Variants in MFSD12 observed in about 807,000 individuals in gnomAD.
MFSD12 encodes the protein major facilitator superfamily domain containing 12.
A neutral mutation model predicts 51.2 loss-of-function variants in MFSD12; 67 were observed. The ratio of observed to expected loss-of-function variants is 1.31; its 90% CI spans 1.08 to 1.60. MFSD12 has a LOEUF of 1.60. MFSD12 is among the 40% of genes most tolerant of loss of function. The probability of loss-of-function intolerance (pLI) is 0.00; values close to 1 mark genes in which losing one functional copy is unlikely to be tolerated. For missense variants in MFSD12, 921 were observed against 673.0 expected (o/e 1.37, Z -4.08); for synonymous variants, 441 against 316.7 (o/e 1.39, Z -4.17).
At chr19:3,538,433 T>G (rs924758260) in exon 5 of MFSD12, 1 of 316,600 alleles carries the variant, frequency 3.2e-6, no homozygotes, top group Admixed American at 4.4e-5. Flanking sequence ...TTATGTCACC[T>G]AGTCACCCCC....
rs771598438 is a variant in MFSD12 at position 3,544,844 on chromosome 19, C to G, written c.1385G>C (p.Cys462Ser). 34 of 1,612,504 alleles carry G rather than the reference C, an allele frequency of 2.1e-5. No homozygotes were observed. In the Middle Eastern group the frequency reaches 5.0e-4, roughly 24 times the overall value. The change falls in exon 9 of 10, where the codon TGT becomes TCT. Residue 462 changes from cysteine (C) to serine (S), a missense_variant. Coordinates refer to ENST00000355415, the MANE Select transcript of MFSD12 (RefSeq NM_174983.5). Reference protein sequence around the residue: ...GVGVAAALCLCSLLLWPTRLR... With the variant: ...GVGVAAALCLSSLLLWPTRLR... ...GCGGGTCGGCCACAGCAGGAGGCTACAGAGACACAGGGCAGCGGCCACGCC... is the reference window on the plus strand; with the variant it reads ...GCGGGTCGGCCACAGCAGGAGGCTAGAGAGACACAGGGCAGCGGCCACGCC...
chr19:3,546,025 A>C (rs1361118166), intron 8 of MFSD12, 49 bp downstream of exon 8: 1 of 1,591,844 alleles, frequency 6.3e-7, no homozygotes, highest in Admixed American at 1.7e-5. Flanking sequence ...CAGGCGCTTA[A>C]TCCCCTCTTA....
At chr19:3,542,860 A>G (rs766848595), downstream of MFSD12, 1 of 1,384,792 alleles carries the variant, frequency 7.2e-7, no homozygotes, top group East Asian at 4.3e-5. Flanking sequence ...CCTCCAGGCC[A>G]GGGGGGCTTC....
intron 1 of MFSD12, among the ~76,000 whole-genome samples, chr19:3,552,753 C>T (rs1010388020): frequency 6.6e-6 from 1 of 152,074 alleles, no homozygotes; most frequent in Admixed American, 6.6e-5. Context: ...CCAAAGTGCT[C>T]GGATTACAGA....
In MFSD12 at chr19:3,544,810, G is replaced by T. The variant is rs780722799; in HGVS notation, c.1419C>A (p.Arg473=). 6.2e-7 allele frequency: 1 copy of T among 1,612,260 alleles called. No homozygotes were observed. Among genetic ancestry groups the T allele is most frequent in the South Asian group, 1.1e-5 (1 of 90,942 alleles). Residue 473 remains arginine, a splice_region_variant and synonymous_variant, in exon 9 of 10, where the codon CGC becomes CGA. Coordinates refer to ENST00000355415, the MANE Select transcript of MFSD12 (RefSeq NM_174983.5). Reference sequence around the variant, plus strand: ...AGGGAGGGGTGGGCCAGGACTCACAGCGTCGCAGGCGGGTCGGCCACAGCA... The same window carrying T: ...AGGGAGGGGTGGGCCAGGACTCACATCGTCGCAGGCGGGTCGGCCACAGCA... ...SLLLWPTRLR[R]WDRDARP is the part of the protein sequence containing the mutation.
intron 2 of MFSD12, among the ~76,000 whole-genome samples, chr19:3,549,024 G>C (rs2031295913): frequency 6.6e-6 from 1 of 152,154 alleles, no homozygotes; most frequent in African/African-American, 2.4e-5. Flanking sequence ...CACCAGCTGG[G>C]GCCGAGTCCT....
intron 2 of MFSD12, among the ~76,000 whole-genome samples, chr19:3,550,602 G>C (rs1006699730): frequency 6.6e-6 from 1 of 152,096 alleles, no homozygotes; most frequent in Non-Finnish European, 1.5e-5. Flanking sequence ...GTGTTAGCGA[G>C]GATGGTCTCG....
chr19:3,555,578 G>C (rs1235931427), intron 1 of MFSD12, among the ~76,000 whole-genome samples: 1 of 152,192 alleles, frequency 6.6e-6, no homozygotes, highest in East Asian at 1.9e-4. Context: ...CCTGGACATA[G>C]GAAACATGAA....
At chr19:3,542,811 T>C, downstream of MFSD12, 1 of 1,372,408 alleles carries the variant, frequency 7.3e-7, no homozygotes, top group Non-Finnish European at 9.8e-7. Flanking sequence ...CCCTGGGCCA[T>C]GGCTTAGTGC....
At chr19:3,553,773 A>T (rs1304777199) in intron 1 of MFSD12, among the ~76,000 whole-genome samples, 3 of 148,352 alleles carry the variant, frequency 2.0e-5, no homozygotes, top group Non-Finnish European at 3.0e-5. Flanking sequence ...GAAATGAAAC[A>T]GAGAAAGAAA....
At chr19:3,552,891 G>A (rs1468045760) in intron 1 of MFSD12, among the ~76,000 whole-genome samples, 2 of 152,154 alleles carry the variant, frequency 1.3e-5, no homozygotes, top group Non-Finnish European at 2.9e-5. Flanking sequence ...GGCCCCTAGA[G>A]TGAGTCGGAG....
intron 8 of MFSD12, 54 bp from the exon 9 acceptor site, chr19:3,544,993 C>A: frequency 1.3e-6 from 2 of 1,540,740 alleles, no homozygotes; most frequent in Non-Finnish European, 8.7e-7. Context: ...CCCCCCGCCA[C>A]CCAAGCTGAA....
rs1297603780 is a variant in MFSD12 at position 3,557,095 on chromosome 19, G to A, written c.298+11C>T. The A allele has an allele frequency of 4.1e-6, 6 of 1,452,402 alleles. No homozygotes were observed. The East Asian group carries it at 1.4e-4, about 34-fold the overall frequency. 90.0% of individuals were successfully genotyped at this position (1,452,402 alleles called of 1,614,324 possible). A position where few individuals can be genotyped will look rare whatever the true frequency, so the allele number is the denominator to read the frequency against. ...GGGCTGCCCGACAGGTGGCGGGGCC[G>A]GGACGCTTACCGACCAGGTGCCAGG... is the stretch of plus-strand genomic sequence containing the variant. On this transcript the variant is annotated intron_variant, in intron 1 of 9. Coordinates refer to ENST00000355415, the MANE Select transcript of MFSD12 (RefSeq NM_174983.5).
chr19:3,547,942 TC>T lies in MFSD12; in HGVS notation c.742del (p.Glu248ArgfsTer38), dbSNP rs2031208168. ...CAGGGGGGTGTGCTCGCCTGGCTCC[TC>T]CGCATGCGGCCGGCGCCTCTCCCGG... ...GTRERRRPHA[E>X]EPGEHTPLLA... On this transcript the variant is annotated frameshift_variant, in exon 4 of 10. Transcript: ENST00000355415. LOFTEE classifies it high-confidence loss of function. 5 of 1,594,120 alleles carry T rather than the reference TC, an allele frequency of 3.1e-6. No individual in the cohort carries two copies. The highest frequency in any genetic ancestry group is 4.2e-6 in the Non-Finnish European group (5 of 1,176,714).
At chr19:3,553,719 T>A (rs1599840479) in intron 1 of MFSD12, among the ~76,000 whole-genome samples, 1 of 77,348 alleles carries the variant, frequency 1.3e-5, no homozygotes, top group Admixed American at 2.1e-4. Context: ...GCAGTGAGAC[T>A]CCATCTCTCA....
rs1376435128 is a variant in MFSD12, at chr19:3,544,807, A to G, written c.1420+2T>C. On this transcript the variant is annotated splice_donor_variant, in intron 9 of 9. Transcript: ENST00000355415. LOFTEE classifies it high-confidence loss of function. ...GGGAGGGAGGGGTGGGCCAGGACTC[A>G]CAGCGTCGCAGGCGGGTCGGCCACA... The G allele has an allele frequency of 6.2e-7, 1 of 1,612,106 alleles. No individual in the cohort carries two copies. Among genetic ancestry groups the G allele is most frequent in the South Asian group, 1.1e-5 (1 of 90,914 alleles).
intron 1 of MFSD12, among the ~76,000 whole-genome samples, chr19:3,552,145 A>G (rs1172774407): frequency 6.6e-6 from 1 of 150,862 alleles, no homozygotes; most frequent in Non-Finnish European, 1.5e-5. Flanking sequence ...GAGACCCAGC[A>G]TGGAACTCGG....
downstream of MFSD12, chr19:3,543,168 C>A: frequency 6.6e-7 from 1 of 1,519,782 alleles, no homozygotes; most frequent in Admixed American, 2.0e-5. Context: ...CCCTGGCAGA[C>A]ATCGCAAAGG....
intron 4 of MFSD12, 105 bp downstream of exon 4, chr19:3,547,743 C>G: frequency 2.2e-6 from 3 of 1,368,462 alleles, no homozygotes; most frequent in African/African-American, 2.9e-5. Flanking sequence ...TGGGCTGCAC[C>G]AGGGGCCACG....
Sources: allele counts gnomAD v4.1 joint callset (sites outside exome capture counted in the v4.1 genomes callset), GRCh38; gene constraint gnomAD v4.1.1; transcripts MANE v1.5; gene names NCBI Gene and HGNC (gene_info 2026-07-23, HGNC 2026-07-21).